Variants in LUC7L3 observed in about 807,000 individuals in gnomAD.
LUC7L3 encodes the protein luc7-like protein 3.
In LUC7L3, 6 loss-of-function variants were observed where a neutral mutation model predicts 66.8. The observed-to-expected ratio is 0.09, with a 90% CI of 0.05 to 0.18. The LOEUF is 0.18. Among genes scored for constraint, LUC7L3 ranks in the 10% least tolerant of loss-of-function variants. The pLI is 1.00. For missense variants in LUC7L3, 341 were observed against 531.1 expected (o/e 0.64, Z 3.52); for synonymous variants, 160 against 174.7 (o/e 0.92, Z 0.66).
chr17:50,729,897 TA>T (rs1348047362), intron 1 of LUC7L3, among the ~76,000 whole-genome samples: 5,784 of 12,162 alleles, frequency 0.48, 525 homozygotes, highest in African/African-American at 0.53. Flanking sequence ...ATAAATACAT[TA>T]TATATATATA....
rs1971057641 is a variant in LUC7L3 at position 50,753,691 on chromosome 17, TGTG to T, written c.*3033_*3035del. On this transcript the variant is annotated 3_prime_UTR_variant, in exon 10 of 10. Transcript: ENST00000505658. Reference sequence around the variant, plus strand: ...ACTGCTTTGTGTAGTTTGACAGCATTGTGGTTGTAGCAGCAAAGGACTTAAAGT... The same window carrying T: ...ACTGCTTTGTGTAGTTTGACAGCATTGTTGTAGCAGCAAAGGACTTAAAGT... 1 of 152,184 alleles carries T rather than the reference TGTG, an allele frequency of 6.6e-6. No homozygotes were observed. Among genetic ancestry groups the T allele is most frequent in the Admixed American group, 6.5e-5 (1 of 15,286 alleles). 9.4% of individuals were successfully genotyped at this position (152,184 alleles called of 1,614,324 possible).
At chr17:50,732,133 A>C (rs1336984058) in intron 1 of LUC7L3, among the ~76,000 whole-genome samples, 2 of 152,204 alleles carry the variant, frequency 1.3e-5, no homozygotes, top group Non-Finnish European at 2.9e-5. Flanking sequence ...GATTTATGTT[A>C]AGTACAAAAT....
At chr17:50,723,139 A>AT (rs1968903695) in intron 1 of LUC7L3, 1 of 152,150 alleles carries the variant, frequency 6.6e-6, no homozygotes, top group African/African-American at 2.4e-5. Flanking sequence ...GAGTTTTGTT[A>AT]TTTTTTATGT....
intron 6 of LUC7L3, 120 bp downstream of exon 6, chr17:50,743,930 C>G: frequency 2.8e-6 from 2 of 720,550 alleles, no homozygotes; most frequent in Admixed American, 2.8e-5. Flanking sequence ...AATTTGTAGC[C>G]CACAAGGTCT....
intron 5 of LUC7L3, among the ~76,000 whole-genome samples, chr17:50,742,070 C>T (rs1044269121): frequency 4.0e-5 from 6 of 148,446 alleles, no homozygotes; most frequent in Admixed American, 6.7e-5. Flanking sequence ...AGTGAGACCT[C>T]GTCTTGTGTG....
chr17:50,748,308 T>A (rs188153067), intron 9 of LUC7L3: 2 of 152,184 alleles, frequency 1.3e-5, no homozygotes, highest in East Asian at 3.9e-4. Flanking sequence ...GATGATGACA[T>A]GAAATTTAGT....
chr17:50,729,896 T>TTTTATATA (rs1353844154), intron 1 of LUC7L3, among the ~76,000 whole-genome samples: 28 of 65,572 alleles, frequency 4.3e-4, no homozygotes, highest in African/African-American at 8.2e-4. Flanking sequence ...TATAAATACA[T>TTTTATATA]TATATATATA....
At chr17:50,720,701 C>A (rs1012266936) in intron 1 of LUC7L3, among the ~76,000 whole-genome samples, 4 of 152,174 alleles carry the variant, frequency 2.6e-5, no homozygotes, top group African/African-American at 9.6e-5. Context: ...ATCTAACATG[C>A]TAATTTTAAA....
chr17:50,738,661 A>C (rs1970149253), intron 2 of LUC7L3, among the ~76,000 whole-genome samples: 1 of 152,204 alleles, frequency 6.6e-6, no homozygotes, highest in Non-Finnish European at 1.5e-5. Context: ...AATTAAGGAA[A>C]TTTACTGGAA....
chr17:50,738,125 G>A (rs1015897728), intron 2 of LUC7L3: 5 of 455,856 alleles, frequency 1.1e-5, no homozygotes, highest in East Asian at 6.9e-5. Flanking sequence ...ACAGCCAGAT[G>A]TTTTTCCCCA....
intron 4 of LUC7L3, 40 bp downstream of exon 4, chr17:50,741,286 T>G (rs576929889): frequency 1.9e-6 from 3 of 1,589,086 alleles, no homozygotes; most frequent in African/African-American, 1.4e-5. Flanking sequence ...CGGTCCTTGT[T>G]TTCTGGAGAT....
At chr17:50,729,426 T>G (rs1969416955) in intron 1 of LUC7L3, among the ~76,000 whole-genome samples, 1 of 152,214 alleles carries the variant, frequency 6.6e-6, no homozygotes, top group Non-Finnish European at 1.5e-5. Flanking sequence ...TTTACAATAA[T>G]TTCATTGTAA....
chr17:50,746,843 G>A (rs1970698935), intron 9 of LUC7L3, 141 bp downstream of exon 9: 1 of 616,012 alleles, frequency 1.6e-6, no homozygotes, highest in Non-Finnish European at 2.7e-6. Context: ...TAGGAGACAG[G>A]CATTCTTTCC....
chr17:50,733,976 G>T (rs920539522), intron 1 of LUC7L3, among the ~76,000 whole-genome samples: 1 of 152,124 alleles, frequency 6.6e-6, no homozygotes, highest in Non-Finnish European at 1.5e-5. Context: ...GTATTTTACT[G>T]TGTTGCATTT....
At chr17:50,723,266 A>G (rs1968911360) in intron 1 of LUC7L3, 1 of 152,244 alleles carries the variant, frequency 6.6e-6, no homozygotes, top group Admixed American at 6.5e-5. Context: ...GTTTTCTTCC[A>G]TTTATCAAAC....
intron 1 of LUC7L3, chr17:50,723,711 G>A (rs960545867): frequency 2.5e-5 from 6 of 238,812 alleles, no homozygotes; most frequent in Non-Finnish European, 2.5e-5. Context: ...CTGGAGTGTA[G>A]TGGCATGATC....
In LUC7L3 at chr17:50,738,604, A is replaced by T. The variant is rs549698460; in HGVS notation, c.166+1578A>T. Among the ~76,000 whole-genome samples, 9 of 152,324 alleles carry T rather than the reference A, an allele frequency of 5.9e-5. No individual in the cohort carries two copies. The South Asian group carries it at 1.9e-3, about 32-fold the overall frequency. On this transcript the variant is annotated intron_variant, in intron 2 of 9. Coordinates refer to ENST00000505658, the MANE Select transcript of LUC7L3 (RefSeq NM_016424.5). ...TTCTGAAAAACAGCTCTTAGAAATT[A>T]AAACTGAAGAAATAGAACTAAAATC...
chr17:50,742,413 C>T (rs969541182), intron 5 of LUC7L3, among the ~76,000 whole-genome samples: 3 of 152,012 alleles, frequency 2.0e-5, no homozygotes, highest in African/African-American at 7.3e-5. Context: ...TGCTGGAGTG[C>T]AGTGGTGCGA....
chr17:50,726,229 T>C (rs947639915), intron 1 of LUC7L3, among the ~76,000 whole-genome samples: 1 of 152,224 alleles, frequency 6.6e-6, no homozygotes, highest in African/African-American at 2.4e-5. Flanking sequence ...TGGAGTGCAG[T>C]GGTGCCATCT....
Sources: allele counts gnomAD v4.1 joint callset (sites outside exome capture counted in the v4.1 genomes callset), GRCh38; gene constraint gnomAD v4.1.1; transcripts MANE v1.5; gene names NCBI Gene and HGNC (gene_info 2026-07-23, HGNC 2026-07-21).